The following HERC2 variants were observed in gnomAD, a reference collection of about 807,000 sequenced individuals.
HERC2 encodes E3 ubiquitin-protein ligase HERC2.
A neutral mutation model predicts 537.7 loss-of-function variants in HERC2; 102 were observed. That is an observed-to-expected ratio of 0.19 (90% CI 0.16 to 0.22). The LOEUF (loss-of-function observed/expected upper bound fraction) is 0.22. Among genes scored for constraint, HERC2 ranks in the 10% least tolerant of loss-of-function variants. The pLI is 1.00. For missense variants in HERC2, 4,236 were observed against 6,198.2 expected (o/e 0.68, Z 10.63); for synonymous variants, 2,224 against 2,466.2 (o/e 0.90, Z 2.91).
chr15:28,154,797 G>A (rs1389647032), intron 69 of HERC2, among the ~76,000 whole-genome samples: 1 of 152,080 alleles, frequency 6.6e-6, no homozygotes, highest in Non-Finnish European at 1.5e-5. Flanking sequence ...TTAAGTTCTA[G>A]GGTACATGTG....
chr15:28,173,488 T>C (rs556914391), intron 65 of HERC2, among the ~76,000 whole-genome samples: 199 of 152,238 alleles, frequency 1.3e-3, no homozygotes, highest in Non-Finnish European at 2.4e-3. Context: ...TATGATTCTA[T>C]TTATAGTAAG....
intron 85 of HERC2, among the ~76,000 whole-genome samples, chr15:28,123,787 A>C (rs1046844851): frequency 1.3e-5 from 2 of 152,196 alleles, no homozygotes; most frequent in African/African-American, 4.8e-5. Context: ...TGAGAGGCAG[A>C]GATTATGAAG....
chr15:28,288,776 T>A (rs1328881438), intron 4 of HERC2, among the ~76,000 whole-genome samples: 1 of 142,880 alleles, frequency 7.0e-6, no homozygotes, highest in Non-Finnish European at 1.5e-5. Context: ...TGAACCCACG[T>A]GGGGGAGGTT....
chr15:28,309,701 C>T (rs890968235), intron 2 of HERC2, among the ~76,000 whole-genome samples: 21 of 151,996 alleles, frequency 1.4e-4, no homozygotes, highest in African/African-American at 5.1e-4. Context: ...AACACCTTGA[C>T]TACAGCCTGT....
At chr15:28,226,723 T>C (rs1263664857) in intron 35 of HERC2, among the ~76,000 whole-genome samples, 15 of 152,222 alleles carry the variant, frequency 9.9e-5, no homozygotes, top group Admixed American at 3.3e-4. Flanking sequence ...ATCAAAAGCA[T>C]AGACGACAAA....
chr15:28,236,864 A>C, intron 26 of HERC2, 99 bp downstream of exon 26: 3 of 858,850 alleles, frequency 3.5e-6, no homozygotes, highest in Non-Finnish European at 5.8e-6. Context: ...CTGGGATTAC[A>C]GGCATGAACC....
intron 8 of HERC2, 118 bp downstream of exon 8, chr15:28,272,776 C>T (rs796289507): frequency 3.0e-6 from 2 of 656,452 alleles, no homozygotes; most frequent in South Asian, 1.9e-5. Context: ...CATGGTTCTC[C>T]GTACAGAGTA....
At chr15:28,159,484 A>G (rs1893352948) in intron 69 of HERC2, among the ~76,000 whole-genome samples, 1 of 151,946 alleles carries the variant, frequency 6.6e-6, no homozygotes, top group Non-Finnish European at 1.5e-5. Flanking sequence ...CATTCATTTG[A>G]TCTTCAATCA....
chr15:28,124,829 T>C (rs6416602), intron 84 of HERC2, among the ~76,000 whole-genome samples, 177 bp downstream of exon 84: 147,082 of 152,358 alleles, frequency 0.97, 71,111 homozygotes, highest in Non-Finnish European at 0.99. Context: ...GGATTACAGG[T>C]GTGAGCCACC....
At chr15:28,117,820 C>CACCAG (rs1888447108) in intron 86 of HERC2, 4 of 343,012 alleles carry the variant, frequency 1.2e-5, no homozygotes, top group Non-Finnish European at 2.3e-5. Flanking sequence ...TTCCCAAAGA[C>CACCAG]ACCAGGGCAG....
intron 83 of HERC2, among the ~76,000 whole-genome samples, chr15:28,129,219 T>C (rs1359186860): frequency 6.6e-6 from 1 of 152,134 alleles, no homozygotes; most frequent in East Asian, 1.9e-4. Context: ...TACAGTGTAT[T>C]ATGGCAAGAG....
rs1292537979 is a variant in HERC2, at chr15:28,113,996, C to T, written c.13914-318G>A. Reference sequence around the variant, plus strand: ...AAGAGGGGAAACACATGTGCATCCGCCCCAGGCCCGAGACACTGTGCTGAC... The same window carrying T: ...AAGAGGGGAAACACATGTGCATCCGTCCCAGGCCCGAGACACTGTGCTGAC... On this transcript the variant is annotated intron_variant, in intron 90 of 92. Coordinates refer to ENST00000261609, the MANE Select transcript of HERC2 (RefSeq NM_004667.6). This position sits in a 1 kb window ranked among gnomAD's most constrained non-coding sequence, Gnocchi z 7.0. Among the ~76,000 whole-genome samples, 6 of 152,142 alleles carry T rather than the reference C, an allele frequency of 3.9e-5. No homozygotes were observed. Among genetic ancestry groups the T allele is most frequent in the African/African-American group, 1.4e-4 (6 of 41,386 alleles).
At chr15:28,211,745 C>G (rs1248492887) in intron 43 of HERC2, among the ~76,000 whole-genome samples, 2 of 152,222 alleles carry the variant, frequency 1.3e-5, no homozygotes, top group Non-Finnish European at 1.5e-5. Flanking sequence ...TTTGCATGCA[C>G]TGCACCTCCA....
chr15:28,314,001 T>C (rs567569798), intron 2 of HERC2, among the ~76,000 whole-genome samples: 2 of 152,150 alleles, frequency 1.3e-5, no homozygotes, highest in African/African-American at 4.8e-5. Context: ...TACAGGTGAG[T>C]TAGAAGTAGA....
intron 26 of HERC2, among the ~76,000 whole-genome samples, chr15:28,234,870 T>A (rs1316960138): frequency 6.8e-5 from 2 of 29,454 alleles, no homozygotes; most frequent in African/African-American, 9.7e-5. Context: ...GGGTAGGCTA[T>A]GTATTCCTAG....
At chr15:28,289,155 C>A (rs1457863938) in intron 4 of HERC2, among the ~76,000 whole-genome samples, 2 of 151,990 alleles carry the variant, frequency 1.3e-5, no homozygotes, top group East Asian at 3.9e-4. Flanking sequence ...AAATAAAAAA[C>A]AGAGGTTGCC....
chr15:28,273,811 C>A (rs1422422655), intron 7 of HERC2, among the ~76,000 whole-genome samples: 1 of 152,190 alleles, frequency 6.6e-6, no homozygotes, highest in East Asian at 1.9e-4. Flanking sequence ...GCATAGCACC[C>A]AAGACCAGAG....
At chr15:28,316,367 C>CAGT (rs1428641569) in intron 2 of HERC2, among the ~76,000 whole-genome samples, 1 of 151,700 alleles carries the variant, frequency 6.6e-6, no homozygotes, top group African/African-American at 2.4e-5. Context: ...AGGCCAGGCA[C>CAGT]AGTGGCTCAT....
intron 2 of HERC2, among the ~76,000 whole-genome samples, chr15:28,307,712 CATA>C (rs2076829671): frequency 6.6e-6 from 1 of 152,186 alleles, no homozygotes; most frequent in Admixed American, 6.5e-5. Flanking sequence ...AGATACTTAA[CATA>C]ATTTTTTTAA....
Sources: allele counts gnomAD v4.1 joint callset (sites outside exome capture counted in the v4.1 genomes callset), GRCh38; gene constraint gnomAD v4.1.1; non-coding constraint Gnocchi (gnomAD v3.1); transcripts MANE v1.5; gene names NCBI Gene and HGNC (gene_info 2026-07-23, HGNC 2026-07-21).